The following LRP5 variants were observed in gnomAD, a reference collection of about 807,000 sequenced individuals.
LRP5 encodes the protein low-density lipoprotein receptor-related protein 5.
LRP5 carries 62 observed loss-of-function variants against 154.1 expected under a neutral mutation model. The ratio of observed to expected loss-of-function variants is 0.40; its 90% CI spans 0.33 to 0.50. LRP5 has a LOEUF of 0.50. LRP5 is among the 20% of genes least tolerant of loss of function. The pLI is 0.55. For missense variants in LRP5, 1,915 were observed against 2,336.7 expected, an observed-to-expected ratio of 0.82 and a Z score of 3.72; for synonymous variants, 966 against 1,011.5, an observed-to-expected ratio of 0.96 and a Z score of 0.85.
At chr11:68,318,792 C>T (rs1425339499) in intron 1 of LRP5, among the ~76,000 whole-genome samples, 1 of 152,228 alleles carries the variant, frequency 6.6e-6, no homozygotes, top group African/African-American at 2.4e-5. Context: ...ACAGGCTCCA[C>T]TCCACCCCAT....
At position 68,386,304 on chromosome 11, in the gene LRP5, C is replaced by T. The variant is rs1426715877; in HGVS notation, c.1016-12C>T. 1.2e-6 allele frequency: 2 copies of T among 1,610,370 alleles called. No homozygotes were observed. The highest frequency in any genetic ancestry group is 2.7e-5 in the African/African-American group (2 of 74,930). On this transcript the variant is annotated splice_polypyrimidine_tract_variant and intron_variant, in intron 5 of 22. Coordinates refer to ENST00000294304, the MANE Select transcript of LRP5 (RefSeq NM_002335.4). The surrounding 1 kb of genome is among the most constrained non-coding windows in gnomAD (Gnocchi z 7.9). ...CCCTTGACCCCTGACCCCATTGCAC[C>T]TGTCTCCACAGGAGCCGAGGAGGTG...
At chr11:68,429,797 C>G in intron 17 of LRP5, 97 bp downstream of exon 17, 1 of 1,513,978 alleles carries the variant, frequency 6.6e-7, no homozygotes, top group Non-Finnish European at 9.1e-7. Flanking sequence ...ATCACAGTCC[C>G]TGTGGCATCC....
chr11:68,389,776 C>A, intron 6 of LRP5, 105 bp from the exon 7 acceptor site: 1 of 1,107,458 alleles, frequency 9.0e-7, no homozygotes, highest in Non-Finnish European at 1.4e-6. Context: ...CAACATTTAG[C>A]CATGTGATGG....
intron 1 of LRP5, among the ~76,000 whole-genome samples, chr11:68,324,493 G>A (rs567288425): frequency 1.6e-4 from 24 of 152,276 alleles, no homozygotes; most frequent in African/African-American, 5.5e-4. Context: ...ATTCTCACCC[G>A]CCCCCAGTGC....
chr11:68,443,054 C>T (rs2098679015), intron 21 of LRP5, among the ~76,000 whole-genome samples: 1 of 152,176 alleles, frequency 6.6e-6, no homozygotes, highest in Non-Finnish European at 1.5e-5. Context: ...CTGAAAGGGA[C>T]AGTCCATCTT....
chr11:68,397,726 G>A (rs570768068), intron 7 of LRP5, among the ~76,000 whole-genome samples: 12 of 152,346 alleles, frequency 7.9e-5, no homozygotes, highest in African/African-American at 2.9e-4. Context: ...GACCCTCTGA[G>A]GTCCAGCCTG....
chr11:68,436,641 C>A (rs1301302700), intron 18 of LRP5, among the ~76,000 whole-genome samples: 1 of 152,108 alleles, frequency 6.6e-6, no homozygotes, highest in African/African-American at 2.4e-5. Flanking sequence ...CTGACACATA[C>A]CTCCTGGGGG....
chr11:68,369,180 C>T (rs1347626484), intron 5 of LRP5, among the ~76,000 whole-genome samples: 2 of 152,124 alleles, frequency 1.3e-5, no homozygotes, highest in Non-Finnish European at 2.9e-5. Context: ...TTTTAGTCAT[C>T]CTCCCGCTAT....
the LRP5 span, among the ~76,000 whole-genome samples, chr11:68,298,698 T>A: frequency 6.6e-6 from 1 of 152,150 alleles, no homozygotes; most frequent in Non-Finnish European, 1.5e-5. Flanking sequence ...TAGGGGCTGC[T>A]GTTCCCTCTA....
chr11:68,310,932 A>G (rs1363646059), upstream of LRP5, among the ~76,000 whole-genome samples: 1 of 151,924 alleles, frequency 6.6e-6, no homozygotes, highest in Non-Finnish European at 1.5e-5. Flanking sequence ...GTGTGGTTGG[A>G]GCAGGCCCTG....
chr11:68,404,155 C>T (rs2098654224), intron 8 of LRP5: 2 of 433,888 alleles, frequency 4.6e-6, no homozygotes, highest in Non-Finnish European at 9.0e-6. Context: ...CACCTGAAAG[C>T]CAGGATCTTC....
chr11:68,322,239 G>A (rs1565315539), intron 1 of LRP5, among the ~76,000 whole-genome samples: 1 of 152,060 alleles, frequency 6.6e-6, no homozygotes, highest in Non-Finnish European at 1.5e-5. Flanking sequence ...TCTGTCCCCT[G>A]CCCTCTCCTC....
chr11:68,394,036 C>T (rs2098647829), intron 7 of LRP5, among the ~76,000 whole-genome samples: 1 of 152,152 alleles, frequency 6.6e-6, no homozygotes, highest in African/African-American at 2.4e-5. Flanking sequence ...CGTCTGACCC[C>T]ACAGCCGACC....
At chr11:68,358,374 G>C (rs2098624957) in intron 3 of LRP5, among the ~76,000 whole-genome samples, 1 of 152,164 alleles carries the variant, frequency 6.6e-6, no homozygotes, top group Non-Finnish European at 1.5e-5. Flanking sequence ...TCGGCTCCCA[G>C]AGTGCTGGGA....
chr11:68,318,059 A>T (rs2098594440), intron 1 of LRP5, among the ~76,000 whole-genome samples: 2 of 144,962 alleles, frequency 1.4e-5, no homozygotes, highest in African/African-American at 2.5e-5. Flanking sequence ...TTGAGATTTA[A>T]TTTTTTTTTT....
At chr11:68,414,345 C>A (rs896627942) in intron 12 of LRP5, among the ~76,000 whole-genome samples, 10 of 152,220 alleles carry the variant, frequency 6.6e-5, no homozygotes, top group Admixed American at 5.9e-4. Flanking sequence ...CTCGTTTACT[C>A]CTCAAGCCTG....
chr11:68,399,413 A>G (rs1053500386), intron 7 of LRP5, among the ~76,000 whole-genome samples: 2 of 152,002 alleles, frequency 1.3e-5, no homozygotes, highest in African/African-American at 4.8e-5. Context: ...GAACACAGCC[A>G]TGCCTGTTCA....
intron 7 of LRP5, among the ~76,000 whole-genome samples, chr11:68,397,322 G>A (rs978641248): frequency 6.6e-6 from 1 of 152,114 alleles, no homozygotes; most frequent in African/African-American, 2.4e-5. Flanking sequence ...TGTGAAAGTG[G>A]CAGGGTCTGG....
chr11:68,354,108 A>G (rs79340085), intron 2 of LRP5, among the ~76,000 whole-genome samples: 6 of 152,252 alleles, frequency 3.9e-5, no homozygotes, highest in Admixed American at 6.5e-5. Flanking sequence ...GTGAAACCCA[A>G]CCCCCTCTTT....
Sources: gnomAD v4.1 joint callset for allele counts (sites outside exome capture counted in the v4.1 genomes callset) on GRCh38, gnomAD v4.1.1 for gene constraint, Gnocchi (gnomAD v3.1) non-coding constraint, MANE v1.5 for transcripts, NCBI Gene and HGNC (gene_info 2026-07-23, HGNC 2026-07-21) for gene names.